The following DUS1L variants were observed in gnomAD, a reference collection of about 807,000 sequenced individuals.
DUS1L encodes the protein tRNA-dihydrouridine(16/17) synthase [NAD(P)(+)]-like.
DUS1L carries 56 observed loss-of-function variants against 61.2 expected under a neutral mutation model. The ratio of observed to expected loss-of-function variants is 0.92; its 90% CI spans 0.74 to 1.14. DUS1L has a LOEUF of 1.14. Ranked by LOEUF, DUS1L falls within the 50% of genes most tolerant of loss-of-function variation. DUS1L has a pLI of 0.00. For missense variants in DUS1L, 630 were observed against 632.4 expected, an observed-to-expected ratio of 1.00 and a Z score of 0.04; for synonymous variants, 278 against 259.5, an observed-to-expected ratio of 1.07 and a Z score of -0.69.
intron 3 of DUS1L, 93 bp downstream of exon 3, chr17:82,064,033 G>A: frequency 9.2e-7 from 1 of 1,092,896 alleles, no homozygotes; most frequent in Non-Finnish European, 1.3e-6. Flanking sequence ...CAGAGGCAGG[G>A]CCTGCCGTCC....
chr17:82,061,473 G>A (rs1003461114), intron 7 of DUS1L, 120 bp from the exon 8 acceptor site: 4 of 1,460,048 alleles, frequency 2.7e-6, no homozygotes, highest in South Asian at 1.3e-5. Context: ...GGCCAGCTCA[G>A]GCCCATCAGA....
rs750963615 is a variant in DUS1L, at chr17:82,058,168, C to T, written c.1369G>A (p.Ala457Thr). The change falls in exon 14 of 14, where the codon GCA (alanine) becomes ACA (threonine). Residue 457 changes from alanine (A) to threonine (T), a missense_variant. Ala to Thr is a moderately conservative substitution (Grantham distance 58). Transcript: ENST00000306796. ...QPELQEPQPA[A>T]PGTPGGFSEV... ...GAGAAGCCACCTGGTGTTCCAGGTG[C>T]TGCTGGCTGAGGCTCCTGCAGCTCA... 7 of 1,598,746 alleles carry T rather than the reference C, an allele frequency of 4.4e-6. No individual in the cohort carries two copies. Among genetic ancestry groups the T allele is most frequent in the Non-Finnish European group, 5.1e-6 (6 of 1,169,532 alleles).
chr17:82,058,509 C>A, intron 12 of DUS1L, 93 bp from the exon 13 acceptor site: 1 of 1,469,578 alleles, frequency 6.8e-7, no homozygotes, highest in African/African-American at 1.4e-5. Context: ...GAAGCCTCTG[C>A]CAGATGCCCA....
chr17:82,062,710 T>A (rs1466582023), intron 5 of DUS1L, 151 bp downstream of exon 5: 4 of 650,676 alleles, frequency 6.1e-6, no homozygotes, highest in Non-Finnish European at 1.1e-5. Flanking sequence ...GTGGTGGCAC[T>A]CAGAGCCAGT....
At chr17:82,060,329 G>C (rs754394093) in intron 10 of DUS1L, 1 of 615,634 alleles carries the variant, frequency 1.6e-6, no homozygotes, top group Non-Finnish European at 2.8e-6. Flanking sequence ...ACCAGCTCCA[G>C]GGAGGGCTGT....
intron 12 of DUS1L, 27 bp from the exon 13 acceptor site, chr17:82,058,443 GT>G: frequency 6.8e-7 from 1 of 1,480,518 alleles, no homozygotes. Context: ...TCGGGAGCCT[GT>G]GGCCAGCACC....
chr17:82,063,341 C>T, intron 4 of DUS1L, 127 bp downstream of exon 4: 2 of 1,315,540 alleles, frequency 1.5e-6, no homozygotes, highest in Admixed American at 1.7e-5. Context: ...GGGCAGGAAG[C>T]CCCAGGGTGA....
chr17:82,058,600 C>G (rs915627463), intron 12 of DUS1L, 181 bp downstream of exon 12: 1 of 1,471,764 alleles, frequency 6.8e-7, no homozygotes, highest in Non-Finnish European at 9.0e-7. Context: ...CTCTTCCCCT[C>G]CAGGCCTGGG....
chr17:82,060,254 G>A (rs1002170531), intron 10 of DUS1L, 161 bp from the exon 11 acceptor site: 14 of 914,964 alleles, frequency 1.5e-5, no homozygotes, highest in Non-Finnish European at 1.9e-5. Context: ...TTCAGGACTC[G>A]TCACTAGGGA....
At chr17:82,061,543 T>C (rs2144732618) in intron 7 of DUS1L, 75 bp downstream of exon 7, 1 of 1,503,552 alleles carries the variant, frequency 6.7e-7, no homozygotes, top group Non-Finnish European at 9.1e-7. Flanking sequence ...CAGTAGGCAG[T>C]GGGAGGCACC....
rs1299513755 is a variant in DUS1L at position 82,058,368 on chromosome 17, C to T, written c.1255G>A (p.Ala419Thr). The change falls in exon 13 of 14, where the codon GCC becomes ACC. Residue 419 changes from alanine to threonine, a missense_variant. By Grantham distance (58) the Ala-to-Thr change is moderately conservative. Transcript: ENST00000306796. ...GGGCAGTCTGCAGTCTCTTTGGAGG[C>T]TCGCTTCTTGCAGCAGCCGCGGCAC... is the stretch of plus-strand genomic sequence containing the variant. ...SLCRGCCKKR[A>T]SKETADCPGH... The T allele has an allele frequency of 6.7e-7, 1 of 1,490,508 alleles. No homozygotes were observed. Among genetic ancestry groups the T allele is most frequent in the Non-Finnish European group, 8.9e-7 (1 of 1,117,548 alleles). 92.3% of individuals were successfully genotyped at this position (1,490,508 alleles called of 1,614,324 possible). A position where few individuals can be genotyped will look rare whatever the true frequency, so the allele number is the denominator to read the frequency against.
chr17:82,062,742 G>T, intron 5 of DUS1L, 119 bp downstream of exon 5: 1 of 835,178 alleles, frequency 1.2e-6, no homozygotes, highest in Non-Finnish European at 1.9e-6. Flanking sequence ...AGTCAGGAGG[G>T]CCACTGCCCC....
intron 10 of DUS1L, 75 bp from the exon 11 acceptor site, chr17:82,060,168 G>A: frequency 2.6e-6 from 4 of 1,540,758 alleles, no homozygotes; most frequent in African/African-American, 1.4e-5. Flanking sequence ...ACGGGTCTGA[G>A]TCTGGGTGAG....
chr17:82,061,951 C>T lies in DUS1L; in HGVS notation c.543G>A (p.Gln181=). The T allele has an allele frequency of 6.2e-7, 1 of 1,610,824 alleles. No individual in the cohort carries two copies. Among genetic ancestry groups the T allele is most frequent in the Non-Finnish European group, 8.5e-7 (1 of 1,178,892 alleles). The change falls in exon 6 of 14, where the codon CAG becomes CAA. Residue 181 remains glutamine (Q), a synonymous_variant. Coordinates refer to ENST00000306796, the MANE Select transcript of DUS1L (RefSeq NM_022156.5). ...ACGCTGCACCCGACAGGGGCCCCTT[C>T]TGCTCCTTGGTGCGTCCGTGCACCG... The part of the protein sequence containing the change: ...LLTVHGRTKE[Q]KGPLSGAASW...
At chr17:82,064,794 C>T (rs368881581) in intron 2 of DUS1L, 29 bp downstream of exon 2, 70 of 1,580,344 alleles carry the variant, frequency 4.4e-5, no homozygotes, top group South Asian at 3.7e-4. Flanking sequence ...AACCCAACCG[C>T]GGCCGCGGCC....
chr17:82,057,982 G>C lies in DUS1L; in HGVS notation c.*133C>G, dbSNP rs771557216. On this transcript the variant is annotated 3_prime_UTR_variant, in exon 14 of 14. Coordinates refer to ENST00000306796, the MANE Select transcript of DUS1L (RefSeq NM_022156.5). ...CCACTGCAGCATTTCCAGGCCCCCA[G>C]AGTGGGCCGAAGGGGGACATGGGCG... The C allele has an allele frequency of 9.2e-6, 11 of 1,197,648 alleles. No individual in the cohort carries two copies. Among genetic ancestry groups the C allele is most frequent in the Non-Finnish European group, 1.2e-5 (11 of 895,324 alleles). The allele number at this position is 1,197,648 out of a possible 1,614,324, so 74.2% of individuals were successfully genotyped here. A position where few individuals can be genotyped will look rare whatever the true frequency, so the allele number is the denominator to read the frequency against.
chr17:82,060,028 CCCT>C lies in DUS1L; in HGVS notation c.1085_1087del (p.Glu362del), dbSNP rs1194866747. 8 of 1,613,732 alleles carry C rather than the reference CCCT, an allele frequency of 5.0e-6. No homozygotes were observed. Among genetic ancestry groups the C allele is most frequent in the South Asian group, 1.1e-5 (1 of 91,094 alleles). ...GTTCTTGGACAGGACCTCCGTGCCA[CCCT>C]CCTCTTCCTCCAGGGCCCGCTTGCT... On this transcript the variant is annotated inframe_deletion, in exon 11 of 14. Transcript: ENST00000306796.
At chr17:82,060,348 A>C (rs1184434877) in intron 10 of DUS1L, 1 of 594,162 alleles carries the variant, frequency 1.7e-6, no homozygotes, top group Non-Finnish European at 2.9e-6. Flanking sequence ...GTGGCCACGG[A>C]TGGCCTCACC....
Position 82,058,406 on chromosome 17 carries a change from C to T in DUS1L, c.1217G>A (p.Cys406Tyr). ...DQCGNPKGNR[C>Y]VFSLCRGCCK... ...GCAGCCGCGGCACAGGCTGAACACA[C>T]ATCTGTTGCCCTGGGCACAGGAAAT... The change falls in exon 13 of 14, where the codon TGT becomes TAT. Residue 406 changes from cysteine (C) to tyrosine (Y), a missense_variant. Coordinates refer to ENST00000306796, the MANE Select transcript of DUS1L (RefSeq NM_022156.5). 3 of 1,492,562 alleles carry T rather than the reference C, an allele frequency of 2.0e-6. No homozygotes were observed. Among genetic ancestry groups the T allele is most frequent in the Non-Finnish European group, 2.7e-6 (3 of 1,119,564 alleles). 92.5% of individuals were successfully genotyped at this position (1,492,562 alleles called of 1,614,324 possible).
Sources: allele counts gnomAD v4.1 joint callset, GRCh38; gene constraint gnomAD v4.1.1; transcripts MANE v1.5; gene names NCBI Gene and HGNC (gene_info 2026-07-23, HGNC 2026-07-21).